Variants in HMCN2 observed in about 807,000 individuals in gnomAD.
HMCN2 encodes the protein hemicentin-2.
In HMCN2, 325 loss-of-function variants were observed where a neutral mutation model predicts 377.5. The ratio of observed to expected loss-of-function variants is 0.86; its 90% CI spans 0.79 to 0.94. HMCN2 has a LOEUF of 0.94. HMCN2 is among the 40% of genes least tolerant of loss of function. HMCN2 has a pLI of 0.00. For synonymous variants in HMCN2, 2,007 were observed against 2,046.8 expected, an observed-to-expected ratio of 0.98 and a Z score of 0.53; for missense variants, 4,543 against 4,725.3, an observed-to-expected ratio of 0.96 and a Z score of 1.13.
Position 130,385,561 on chromosome 9 carries a change from T to TC in HMCN2, c.9113dup (p.Ala3039GlyfsTer32). ...CACTCTGCTATCTCCTGCCCCCAGT[T>TC]CCCCCGGCCTTCAGGCAGGCTCCCA... On this transcript the variant is annotated frameshift_variant and splice_region_variant, in exon 60 of 98. Transcript: ENST00000683500. LOFTEE classifies it high-confidence loss of function. 1 of 1,303,634 alleles carries TC rather than the reference T, an allele frequency of 7.7e-7. No homozygotes were observed. The highest frequency in any genetic ancestry group is 1.2e-5 in the South Asian group (1 of 80,998). The allele number at this position is 1,303,634 out of a possible 1,614,324, so 80.8% of individuals were successfully genotyped here. A position where few individuals can be genotyped will look rare whatever the true frequency, so the allele number is the denominator to read the frequency against.
At chr9:130,430,923 G>C in intron 95 of HMCN2, 1 of 411,528 alleles carries the variant, frequency 2.4e-6, no homozygotes, top group Non-Finnish European at 4.3e-6. Context: ...AGCACTCAGA[G>C]GGAAAGCAGT....
chr9:130,389,258 T>C (rs1316132345), intron 62 of HMCN2, among the ~76,000 whole-genome samples: 6 of 152,188 alleles, frequency 3.9e-5, no homozygotes, highest in African/African-American at 1.4e-4. Flanking sequence ...CACTATATAA[T>C]TCACCCACTG....
At chr9:130,383,777 C>T (rs887501676) in intron 57 of HMCN2, among the ~76,000 whole-genome samples, 177 bp downstream of exon 57, 8 of 152,220 alleles carry the variant, frequency 5.3e-5, no homozygotes, top group Non-Finnish European at 1.5e-5. Flanking sequence ...CACTACTGGG[C>T]CAACCCCAGG....
At chr9:130,426,202 AG>A (rs1175556815) in intron 90 of HMCN2, among the ~76,000 whole-genome samples, 1 of 152,074 alleles carries the variant, frequency 6.6e-6, no homozygotes, top group Non-Finnish European at 1.5e-5. Flanking sequence ...CAACCACCCC[AG>A]GCTGATGTTC....
In HMCN2 at chr9:130,358,378, C is replaced by A; in HGVS notation, c.5581-12C>A. 7.7e-7 allele frequency: 1 copy of A among 1,304,238 alleles called. No homozygotes were observed. The highest frequency in any genetic ancestry group is 1.2e-5 in the South Asian group (1 of 81,026). The allele number at this position is 1,304,238 out of a possible 1,614,324, so 80.8% of individuals were successfully genotyped here. ...CAGCCCTGTGGCATACTCTCTGCCC[C>A]CTCCCCTCCAGATTGAGAAGGTGGA... On this transcript the variant is annotated splice_polypyrimidine_tract_variant and intron_variant, in intron 35 of 97. Transcript: ENST00000683500.
chr9:130,407,460 G>A lies in HMCN2; in HGVS notation c.12554-111G>A, dbSNP rs1053828657. ...TGTCTGATTTGATCAACCTTCACCC[G>A]GGACTCCCATCTGTTTCTGCATTTT... On this transcript the variant is annotated intron_variant, in intron 82 of 97. Coordinates refer to ENST00000683500, the MANE Select transcript of HMCN2 (RefSeq NM_001291815.2). 122 of 956,906 alleles carry A rather than the reference G, an allele frequency of 1.3e-4. No homozygotes were observed. The African/African-American group carries it at 1.6e-3, about 13-fold the overall frequency. 59.3% of individuals were successfully genotyped at this position (956,906 alleles called of 1,614,324 possible).
At chr9:130,364,555 A>G (rs1313397004) in intron 40 of HMCN2, among the ~76,000 whole-genome samples, 159 bp from the exon 41 acceptor site, 1 of 152,158 alleles carries the variant, frequency 6.6e-6, no homozygotes, top group South Asian at 2.1e-4. Context: ...TATCGTGACA[A>G]TTTTACTCAG....
At chr9:130,344,405 G>T (rs908333586) in intron 25 of HMCN2, among the ~76,000 whole-genome samples, 5 of 150,338 alleles carry the variant, frequency 3.3e-5, no homozygotes, top group Non-Finnish European at 5.9e-5. Context: ...TATAGTGTTT[G>T]GTGTGTGCAT....
At chr9:130,309,159 G>A (rs1325779903) in intron 14 of HMCN2, among the ~76,000 whole-genome samples, 4 of 152,142 alleles carry the variant, frequency 2.6e-5, no homozygotes, top group African/African-American at 9.7e-5. Flanking sequence ...ATTTAAAAGG[G>A]CGGTTAGAAT....
chr9:130,431,025 G>T, intron 95 of HMCN2: 1 of 424,386 alleles, frequency 2.4e-6, no homozygotes, highest in Non-Finnish European at 4.2e-6. Context: ...GGTGGGGGTG[G>T]GGGATGGCCC....
chr9:130,330,607 C>T (rs996100776), intron 22 of HMCN2, among the ~76,000 whole-genome samples: 1 of 152,100 alleles, frequency 6.6e-6, no homozygotes, highest in Non-Finnish European at 1.5e-5. Context: ...CTTCGACCCC[C>T]CCAAGTCAGC....
intron 50 of HMCN2, 41 bp downstream of exon 50, chr9:130,375,777 C>T: frequency 1.0e-6 from 1 of 984,076 alleles, no homozygotes; most frequent in Non-Finnish European, 1.2e-6. Context: ...GAACAGGTGA[C>T]ATGTCATCAG....
chr9:130,327,752 T>G (rs2066194737), intron 22 of HMCN2, among the ~76,000 whole-genome samples: 1 of 152,158 alleles, frequency 6.6e-6, no homozygotes, highest in South Asian at 2.1e-4. Flanking sequence ...CGGCCACCCT[T>G]GATATCTAAC....
chr9:130,355,590 G>T (rs1242871562), intron 32 of HMCN2, among the ~76,000 whole-genome samples, 156 bp from the exon 33 acceptor site: 2 of 152,238 alleles, frequency 1.3e-5, no homozygotes, highest in African/African-American at 4.8e-5. Flanking sequence ...CCCGCCTTGG[G>T]TGGCCCTGGA....
chr9:130,414,851 A>G lies in HMCN2; in HGVS notation c.12962-3921A>G, dbSNP rs1843602128. Among the ~76,000 whole-genome samples the G allele has an allele frequency of 6.6e-6, 1 of 151,786 alleles. No homozygotes were observed. The highest frequency in any genetic ancestry group is 2.4e-5 in the African/African-American group (1 of 41,274). On this transcript the variant is annotated intron_variant, in intron 85 of 97. Transcript: ENST00000683500. The surrounding 1 kb of genome is among the most constrained non-coding windows in gnomAD (Gnocchi z 4.4). ...GCCAGTCTCAAACTCCTGGGCTCAAATGATCCACCTGCCTCAGCCTCCCAA... is the reference window on the plus strand; with the variant it reads ...GCCAGTCTCAAACTCCTGGGCTCAAGTGATCCACCTGCCTCAGCCTCCCAA...
In HMCN2 at chr9:130,428,543, C is replaced by T; in HGVS notation, c.14197+54C>T. 1 of 1,528,814 alleles carries T rather than the reference C, an allele frequency of 6.5e-7. No homozygotes were observed. Among genetic ancestry groups the T allele is most frequent in the Non-Finnish European group, 8.8e-7 (1 of 1,141,918 alleles). 94.7% of individuals were successfully genotyped at this position (1,528,814 alleles called of 1,614,324 possible). A position where few individuals can be genotyped will look rare whatever the true frequency, so the allele number is the denominator to read the frequency against. ...CATACTCCTGGAAACCCAGAGGTTG[C>T]CAGGGATCAGCTGACAGGGGGCTGT... On this transcript the variant is annotated intron_variant, in intron 93 of 97. Transcript: ENST00000683500. This position sits in a 1 kb window ranked among gnomAD's most constrained non-coding sequence, Gnocchi z 5.0.
chr9:130,430,725 G>A, intron 95 of HMCN2, 121 bp downstream of exon 95: 1 of 937,098 alleles, frequency 1.1e-6, no homozygotes, highest in South Asian at 1.8e-5. Flanking sequence ...CAAGTGGGGT[G>A]AGTGGTGTGG....
chr9:130,339,340 T>C (rs1024058429), intron 23 of HMCN2, among the ~76,000 whole-genome samples: 5 of 152,188 alleles, frequency 3.3e-5, no homozygotes, highest in Non-Finnish European at 5.9e-5. Context: ...CAGCCCAGCA[T>C]CCTGACCACC....
chr9:130,299,418 A>G (rs72761258), intron 8 of HMCN2, 130 bp downstream of exon 8: 164 of 358,726 alleles, frequency 4.6e-4, no homozygotes, highest in Non-Finnish European at 7.7e-4. Context: ...TTCTATGGAC[A>G]GCTATTCCCT....
Sources: allele counts gnomAD v4.1 joint callset (sites outside exome capture counted in the v4.1 genomes callset), GRCh38; gene constraint gnomAD v4.1.1; non-coding constraint Gnocchi (gnomAD v3.1); transcripts MANE v1.5; gene names NCBI Gene and HGNC (gene_info 2026-07-23, HGNC 2026-07-21).